The following VEZF1 variants were observed in gnomAD, a reference collection of about 807,000 sequenced individuals.
VEZF1 encodes the protein putative transcription factor DB1.
Under a neutral mutation model 44.1 loss-of-function variants are expected in VEZF1, and 5 were observed. The observed-to-expected ratio is 0.11, with a 90% CI of 0.06 to 0.24. The LOEUF (loss-of-function observed/expected upper bound fraction) is 0.24, where lower values mean the gene tolerates loss of function less well. Among genes scored for constraint, VEZF1 ranks in the 10% least tolerant of loss-of-function variants. VEZF1 has a pLI of 1.00. For synonymous variants in VEZF1, 236 were observed against 233.1 expected (o/e 1.01, Z -0.11); for missense variants, 358 against 641.8 (o/e 0.56, Z 4.78).
intron 5 of VEZF1, 142 bp from the exon 6 acceptor site, chr17:57,975,042 C>G (rs2075176139): frequency 1.0e-6 from 1 of 988,766 alleles, no homozygotes; most frequent in Non-Finnish European, 1.4e-6. Context: ...GTCAACAGAA[C>G]AGAGGATCTT....
At chr17:57,980,566 G>A in intron 4 of VEZF1, 37 bp downstream of exon 4, 1 of 1,584,232 alleles carries the variant, frequency 6.3e-7, no homozygotes, top group African/African-American at 1.3e-5. Context: ...TCACCCATCT[G>A]AAATATAAAA....
chr17:57,973,063 C>T lies in VEZF1; in HGVS notation c.*1410G>A, dbSNP rs1342364756. 6.6e-6 allele frequency: 1 copy of T among 151,864 alleles called. No homozygotes were observed. The highest frequency in any genetic ancestry group is 1.5e-5 in the Non-Finnish European group (1 of 67,990). 9.4% of individuals were successfully genotyped at this position (151,864 alleles called of 1,614,324 possible). A position where few individuals can be genotyped will look rare whatever the true frequency, so the allele number is the denominator to read the frequency against. On this transcript the variant is annotated 3_prime_UTR_variant, in exon 6 of 6. Coordinates refer to ENST00000581208, the MANE Select transcript of VEZF1 (RefSeq NM_007146.3). Reference sequence around the variant, plus strand: ...AAAAACATATTGCAACTTAAAAAATCACAGCATCTTGGTTTAGTTAATTTT... The same window carrying T: ...AAAAACATATTGCAACTTAAAAAATTACAGCATCTTGGTTTAGTTAATTTT...
Position 57,974,155 on chromosome 17 carries a change from T to A in VEZF1, c.*318A>T, listed in dbSNP as rs905817614. ...TCCTTGGGATTAGAAATAGTAATGCTGTTTTTTTATTTTGAAGTGGGTTCT... is the reference window on the plus strand; with the variant it reads ...TCCTTGGGATTAGAAATAGTAATGCAGTTTTTTTATTTTGAAGTGGGTTCT... On this transcript the variant is annotated 3_prime_UTR_variant, in exon 6 of 6. Coordinates refer to ENST00000581208, the MANE Select transcript of VEZF1 (RefSeq NM_007146.3). The A allele has an allele frequency of 9.3e-6, 3 of 321,776 alleles. No individual in the cohort carries two copies. Among genetic ancestry groups the A allele is most frequent in the African/African-American group, 2.1e-5 (1 of 47,860 alleles). 19.9% of individuals were successfully genotyped at this position (321,776 alleles called of 1,614,324 possible). A position where few individuals can be genotyped will look rare whatever the true frequency, so the allele number is the denominator to read the frequency against.
chr17:57,975,294 A>G (rs1271025793), intron 5 of VEZF1, among the ~76,000 whole-genome samples: 2 of 152,216 alleles, frequency 1.3e-5, no homozygotes, highest in Admixed American at 6.5e-5. Context: ...GGAAGAGCCA[A>G]CCTCCAGCAG....
rs1480903876 is a variant in VEZF1 at position 57,974,704 on chromosome 17, A to G, written c.1335T>C (p.Pro445=). The G allele has an allele frequency of 2.5e-6, 4 of 1,614,160 alleles. No individual in the cohort carries two copies. The Admixed American group carries it at 6.7e-5, about 27-fold the overall frequency. ...TGGATAATGGACTGGTTATAGTTAC[A>G]GGATGCCCTATGTTCATTGGGCTGG... ...NITSPMNIGH[P]VTITSPLSMT... The change falls in exon 6 of 6, where the codon CCT becomes CCC. Residue 445 remains proline (P), a synonymous_variant. Coordinates refer to ENST00000581208, the MANE Select transcript of VEZF1 (RefSeq NM_007146.3).
intron 1 of VEZF1, 42 bp from the exon 2 acceptor site, chr17:57,983,435 A>G (rs956137121): frequency 2.6e-6 from 4 of 1,521,736 alleles, no homozygotes; most frequent in South Asian, 1.3e-5. Flanking sequence ...AGCCTCTCAC[A>G]ATGGCCTTCG....
intron 5 of VEZF1, among the ~76,000 whole-genome samples, chr17:57,975,550 A>T (rs1325781505): frequency 6.6e-6 from 1 of 152,264 alleles, no homozygotes; most frequent in African/African-American, 2.4e-5. Flanking sequence ...GTTTCAGTTA[A>T]ATAATCTTAT....
chr17:57,974,823 A>G lies in VEZF1; in HGVS notation c.1216T>C (p.Ser406Pro). ...TTTGACATAGTCCCAGACGACACAG[A>G]GGATGTTATACTGAATGGAGTAGTG... The part of the protein sequence containing the change: ...TLTTPFSITS[S>P]VSSGTMSNPV... The change falls in exon 6 of 6, where the codon TCT becomes CCT. Residue 406 changes from serine to proline, a missense_variant. Ser to Pro is a moderately conservative substitution (Grantham distance 74). This residue lies in a region of VEZF1 where 171 missense variants were observed against 272.4 expected (regional missense o/e 0.63). Coordinates refer to ENST00000581208, the MANE Select transcript of VEZF1 (RefSeq NM_007146.3). 2 of 1,614,186 alleles carry G rather than the reference A, an allele frequency of 1.2e-6. No individual in the cohort carries two copies. Among genetic ancestry groups the G allele is most frequent in the Non-Finnish European group, 1.7e-6 (2 of 1,180,024 alleles).
Position 57,983,122 on chromosome 17 carries a change from A to G in VEZF1, c.305T>C (p.Val102Ala). The G allele has an allele frequency of 6.2e-7, 1 of 1,614,202 alleles. No homozygotes were observed. Among genetic ancestry groups the G allele is most frequent in the Non-Finnish European group, 8.5e-7 (1 of 1,180,028 alleles). ...GGTGGGGGTTTTCTTTGGCCGGGACACCAACTTGATCCCTGTGTGGCAGGA... is the reference window on the plus strand; with the variant it reads ...GGTGGGGGTTTTCTTTGGCCGGGACGCCAACTTGATCCCTGTGTGGCAGGA... ...HESCHTGIKL[V>A]SRPKKTPTTV... The change falls in exon 2 of 6, where the codon GTG becomes GCG. Residue 102 changes from valine to alanine, a missense_variant. Val to Ala is a moderately conservative substitution (Grantham distance 64). This residue lies in a region of VEZF1 where 117 missense variants were observed against 207.2 expected (regional missense o/e 0.56). Transcript: ENST00000581208.
chr17:57,986,946 G>T (rs1309591319), intron 1 of VEZF1, among the ~76,000 whole-genome samples: 2 of 152,136 alleles, frequency 1.3e-5, no homozygotes, highest in African/African-American at 4.8e-5. Flanking sequence ...AAGTTTCCCC[G>T]TGAGCTCATC....
At chr17:57,985,458 C>T (rs1311934634) in intron 1 of VEZF1, 6 of 1,220,550 alleles carry the variant, frequency 4.9e-6, no homozygotes, top group Non-Finnish European at 6.1e-6. Flanking sequence ...GTTTTCCCAA[C>T]TTCTTCTCTG....
In VEZF1 at chr17:57,979,243, TTGCTGCTGC is replaced by T. The variant is rs57786397; in HGVS notation, c.1038_1046del (p.Gln352_Gln354del). ...TTGTCACATGTTGTTGTTGTTGTTGTTGCTGCTGCTGCTGCTGCTGCTGCTGCTGCTGCT... is the reference window on the plus strand; with the variant it reads ...TTGTCACATGTTGTTGTTGTTGTTGTTGCTGCTGCTGCTGCTGCTGCTGCT... On this transcript the variant is annotated inframe_deletion, in exon 5 of 6. Coordinates refer to ENST00000581208, the MANE Select transcript of VEZF1 (RefSeq NM_007146.3). 2,226 of 1,597,074 alleles carry T rather than the reference TTGCTGCTGC, an allele frequency of 1.4e-3. 6 individuals are homozygous for T. The highest frequency in any genetic ancestry group is 1.6e-3 in the Non-Finnish European group (1,885 of 1,168,862).
At chr17:57,980,850 G>C in intron 3 of VEZF1, 64 bp from the exon 4 acceptor site, 15 of 1,532,004 alleles carry the variant, frequency 9.8e-6, no homozygotes, top group Non-Finnish European at 1.3e-5. Flanking sequence ...TTTGAAGTAC[G>C]TTATATTCTG....
chr17:57,982,159 A>C (rs2075254955), intron 2 of VEZF1, among the ~76,000 whole-genome samples: 1 of 152,206 alleles, frequency 6.6e-6, no homozygotes, highest in Non-Finnish European at 1.5e-5. Context: ...ACATCAAATC[A>C]TATTAGGTCT....
At position 57,982,983 on chromosome 17, in the gene VEZF1, G is replaced by T. The variant is rs750614718; in HGVS notation, c.444C>A (p.Pro148=). Residue 148 remains proline, a synonymous_variant, in exon 2 of 6, where the codon CCC becomes CCA. Coordinates refer to ENST00000581208, the MANE Select transcript of VEZF1 (RefSeq NM_007146.3). Reference sequence around the variant, plus strand: ...TAGCTGTGGTGCTGGCACTGCTACTGGGGTTGGTGCCCGAGGAAGATGTAG... The same window carrying T: ...TAGCTGTGGTGCTGGCACTGCTACTTGGGTTGGTGCCCGAGGAAGATGTAG... ...TVTTSSSGTN[P]SSSASTTAMP... The T allele has an allele frequency of 1.9e-6, 3 of 1,614,152 alleles. No homozygotes were observed. Among genetic ancestry groups the T allele is most frequent in the Non-Finnish European group, 2.5e-6 (3 of 1,180,020 alleles).
At chr17:57,979,725 C>T (rs564963414) in intron 4 of VEZF1, among the ~76,000 whole-genome samples, 173 of 151,952 alleles carry the variant, frequency 1.1e-3, no homozygotes, top group Non-Finnish European at 2.0e-3. Context: ...TTTGGGAGGC[C>T]GAGGCAGGTG....
rs1470305847 is a variant in VEZF1, at chr17:57,972,209, G to A, written c.*2264C>T. On this transcript the variant is annotated 3_prime_UTR_variant, in exon 6 of 6. Transcript: ENST00000581208. ...TTTTTTTAGAACTAATACTTTCAGG[G>A]TTCTGACAACCACATTCTAGCTTAG... The A allele has an allele frequency of 6.6e-6, 1 of 151,944 alleles. No individual in the cohort carries two copies. Among genetic ancestry groups the A allele is most frequent in the East Asian group, 1.9e-4 (1 of 5,190 alleles). 9.4% of individuals were successfully genotyped at this position (151,944 alleles called of 1,614,324 possible). A position where few individuals can be genotyped will look rare whatever the true frequency, so the allele number is the denominator to read the frequency against.
intron 5 of VEZF1, among the ~76,000 whole-genome samples, chr17:57,978,154 G>A (rs1337756735): frequency 6.6e-6 from 1 of 151,196 alleles, no homozygotes; most frequent in Non-Finnish European, 1.5e-5. Context: ...AGTGAGCCGA[G>A]ATCACGCCAC....
chr17:57,988,152 T>G lies in VEZF1; in HGVS notation c.-41A>C. 4.9e-6 allele frequency: 3 copies of G among 611,632 alleles called. No individual in the cohort carries two copies. Among genetic ancestry groups the G allele is most frequent in the Non-Finnish European group, 6.5e-6 (3 of 459,414 alleles). 37.9% of individuals were successfully genotyped at this position (611,632 alleles called of 1,614,324 possible). ...CCCCCCTCCTCCCCACTCCCCCCGCTCGGGGAGCCTCCTCAGCCGGAGGAG... is the reference window on the plus strand; with the variant it reads ...CCCCCCTCCTCCCCACTCCCCCCGCGCGGGGAGCCTCCTCAGCCGGAGGAG... On this transcript the variant is annotated 5_prime_UTR_variant, in exon 1 of 6. Coordinates refer to ENST00000581208, the MANE Select transcript of VEZF1 (RefSeq NM_007146.3).
Sources: gnomAD v4.1 joint callset for allele counts (sites outside exome capture counted in the v4.1 genomes callset) on GRCh38, gnomAD v4.1.1 for gene constraint, gnomAD v4.1.1 regional missense constraint, MANE v1.5 for transcripts, NCBI Gene and HGNC (gene_info 2026-07-23, HGNC 2026-07-21) for gene names.